The following WDR47 variants were observed in gnomAD, a reference collection of about 807,000 sequenced individuals.
The protein encoded by WDR47 is WD repeat-containing protein 47.
WDR47 carries 32 observed loss-of-function variants against 97.2 expected under a neutral mutation model. That is an observed-to-expected ratio of 0.33 (90% CI 0.25 to 0.44). The LOEUF (loss-of-function observed/expected upper bound fraction) is 0.44. Ranked by LOEUF, WDR47 falls within the 20% of genes least tolerant of loss-of-function variation. The pLI is 1.00. For missense variants in WDR47, 782 were observed against 1,102.3 expected (o/e 0.71, Z 4.11); for synonymous variants, 375 against 373.5 (o/e 1.00, Z -0.05).
intron 1 of WDR47, among the ~76,000 whole-genome samples, chr1:109,039,801 C>T (rs1195798828): frequency 1.3e-5 from 2 of 151,910 alleles, no homozygotes; most frequent in Non-Finnish European, 2.9e-5. Flanking sequence ...ATTGCGAGCC[C>T]AAGGCGGGTG....
At chr1:108,993,813 T>C (rs1254661660) in intron 8 of WDR47, among the ~76,000 whole-genome samples, 1 of 152,204 alleles carries the variant, frequency 6.6e-6, no homozygotes, top group Admixed American at 6.6e-5. Flanking sequence ...ACAGATAGTT[T>C]AGTGATAAAT....
At chr1:109,024,491 T>C (rs925499770) in intron 1 of WDR47, among the ~76,000 whole-genome samples, 1 of 152,096 alleles carries the variant, frequency 6.6e-6, no homozygotes, top group African/African-American at 2.4e-5. Flanking sequence ...TTTAGTCATA[T>C]GGGTAATATC....
At chr1:109,035,992 A>C (rs1392681625) in intron 1 of WDR47, among the ~76,000 whole-genome samples, 1 of 152,024 alleles carries the variant, frequency 6.6e-6, no homozygotes, top group East Asian at 1.9e-4. Flanking sequence ...TGCCTGGCTC[A>C]ATTTTTAATT....
chr1:109,025,237 A>C (rs1347101600), intron 1 of WDR47, among the ~76,000 whole-genome samples: 1 of 151,388 alleles, frequency 6.6e-6, no homozygotes, highest in East Asian at 1.9e-4. Context: ...CAGGAGTGCG[A>C]GACAAGCCTG....
Position 109,017,582 on chromosome 1 carries a change from G to T in WDR47, c.178C>A (p.Gln60Lys). The T allele has an allele frequency of 6.2e-7, 1 of 1,611,714 alleles. No individual in the cohort carries two copies. Among genetic ancestry groups the T allele is most frequent in the South Asian group, 1.1e-5 (1 of 90,550 alleles). The change falls in exon 3 of 15, where the codon CAA (glutamine) becomes AAA (lysine). Residue 60 changes from glutamine to lysine, a missense_variant. By Grantham distance (53) the Gln-to-Lys change is moderately conservative. This residue lies in a region of WDR47 where 428 missense variants were observed against 584.3 expected (regional missense o/e 0.73). Coordinates refer to ENST00000369962, the MANE Select transcript of WDR47 (RefSeq NM_001142551.2). ...LFLRQLILDG[Q>K]WDEVLQFIQP... The stretch of plus-strand genomic sequence containing the variant: ...ATGAACTGAAGAACTTCATCCCATT[G>T]ACCATCAAGTATTAGCTGCCTAAAT...
At chr1:109,035,433 C>T (rs953243962) in intron 1 of WDR47, among the ~76,000 whole-genome samples, 6 of 151,814 alleles carry the variant, frequency 4.0e-5, no homozygotes, top group African/African-American at 1.5e-4. Flanking sequence ...GAGTTAACAA[C>T]CAATATATAT....
rs527596176 is a variant in WDR47, at chr1:108,983,135, T to C, written c.2095+147A>G. On this transcript the variant is annotated intron_variant, in intron 11 of 14. Transcript: ENST00000369962. Reference sequence around the variant, plus strand: ...CTAAGAAAGAGTAATACCTCATGAATGTAACTAAACAATTAGAATTATTGA... The same window carrying C: ...CTAAGAAAGAGTAATACCTCATGAACGTAACTAAACAATTAGAATTATTGA... 1.2e-5 allele frequency: 10 copies of C among 868,462 alleles called. 1 individual carries two copies. In the South Asian group the frequency reaches 3.3e-4, roughly 29 times the overall value. 53.8% of individuals were successfully genotyped at this position (868,462 alleles called of 1,614,324 possible). A position where few individuals can be genotyped will look rare whatever the true frequency, so the allele number is the denominator to read the frequency against.
At chr1:108,987,113 C>T in intron 9 of WDR47, 1 of 192,878 alleles carries the variant, frequency 5.2e-6, no homozygotes, top group Non-Finnish European at 1.2e-5. Flanking sequence ...TCATTACAGC[C>T]CCATAGATCC....
chr1:109,030,097 C>G, intron 1 of WDR47: 1 of 944,926 alleles, frequency 1.1e-6, no homozygotes, highest in Admixed American at 2.4e-5. Flanking sequence ...CTTCATCCCT[C>G]CCCAGAAGAA....
At chr1:109,036,743 G>A (rs1662980398) in intron 1 of WDR47, among the ~76,000 whole-genome samples, 3 of 151,828 alleles carry the variant, frequency 2.0e-5, no homozygotes, top group African/African-American at 7.3e-5. Context: ...GGCCGAGGCA[G>A]GAGAATGGCG....
Position 108,974,685 on chromosome 1 carries a change from C to T in WDR47, c.2468G>A (p.Ser823Asn), listed in dbSNP as rs753041063. The change falls in exon 14 of 15, where the codon AGC becomes AAC. Residue 823 changes from serine (S) to asparagine (N), a missense_variant. By Grantham distance (46) the Ser-to-Asn change is conservative. Transcript: ENST00000369962. ...TCCTCTTATGTCATACAACATGCAG[C>T]TAGAATCTTCTTGACCTGTGGCTAA... ...RLLATGQEDS[S>N]CMLYDIRGGR... 6.2e-7 allele frequency: 1 copy of T among 1,614,068 alleles called. No individual in the cohort carries two copies. The highest frequency in any genetic ancestry group is 8.5e-7 in the Non-Finnish European group (1 of 1,179,994).
chr1:109,026,540 G>T (rs1252221094), intron 1 of WDR47, among the ~76,000 whole-genome samples: 1 of 152,062 alleles, frequency 6.6e-6, no homozygotes, highest in African/African-American at 2.4e-5. Context: ...TGTGCCCAGA[G>T]TAGCCCTTCA....
intron 1 of WDR47, among the ~76,000 whole-genome samples, chr1:109,041,359 C>CA (rs1663350551): frequency 6.6e-6 from 1 of 152,172 alleles, no homozygotes; most frequent in African/African-American, 2.4e-5. Flanking sequence ...TGAGAAAGGC[C>CA]AAAACCGGCC....
At chr1:108,981,599 C>A in intron 13 of WDR47, 134 bp downstream of exon 13, 1 of 871,236 alleles carries the variant, frequency 1.1e-6, no homozygotes, top group African/African-American at 1.7e-5. Flanking sequence ...TGTGAAAGAA[C>A]TGAAAGTAAC....
At chr1:108,977,689 T>C (rs1031132469) in intron 13 of WDR47, among the ~76,000 whole-genome samples, 1 of 152,040 alleles carries the variant, frequency 6.6e-6, no homozygotes, top group Non-Finnish European at 1.5e-5. Flanking sequence ...TCGCCTCCAC[T>C]AAAAATACAA....
chr1:109,036,050 G>A (rs1188396200), intron 1 of WDR47, among the ~76,000 whole-genome samples: 2 of 151,870 alleles, frequency 1.3e-5, no homozygotes, highest in Non-Finnish European at 2.9e-5. Flanking sequence ...ACATATTAAA[G>A]GATTAGATCT....
chr1:109,010,578 ATTT>A (rs199821610), intron 5 of WDR47, among the ~76,000 whole-genome samples: 58 of 101,688 alleles, frequency 5.7e-4, no homozygotes, highest in South Asian at 1.4e-3. Flanking sequence ...AGATTTCCTA[ATTT>A]TTTTTTTTTT....
intron 1 of WDR47, among the ~76,000 whole-genome samples, chr1:109,038,041 G>A (rs896706481): frequency 6.6e-6 from 1 of 151,852 alleles, no homozygotes; most frequent in South Asian, 2.1e-4. Flanking sequence ...GTCTCACTAT[G>A]TTGCCCAGGC....
intron 5 of WDR47, among the ~76,000 whole-genome samples, chr1:109,009,125 A>G (rs1047938801): frequency 6.6e-6 from 1 of 152,180 alleles, no homozygotes; most frequent in African/African-American, 2.4e-5. Flanking sequence ...AGAAACAGAA[A>G]TTCTGAGCCC....
Sources: gnomAD v4.1 joint callset for allele counts (sites outside exome capture counted in the v4.1 genomes callset) on GRCh38, gnomAD v4.1.1 for gene constraint, gnomAD v4.1.1 regional missense constraint, MANE v1.5 for transcripts, NCBI Gene and HGNC (gene_info 2026-07-23, HGNC 2026-07-21) for gene names.